KMO: variants seen among roughly 807,000 people sequenced by gnomAD.
KMO encodes kynurenine 3-hydroxylase.
KMO carries 24 observed loss-of-function variants against 57.8 expected under a neutral mutation model. The ratio of observed to expected loss-of-function variants is 0.42; its 90% CI spans 0.30 to 0.58. The LOEUF is 0.58. Among genes scored for constraint, KMO ranks in the 20% least tolerant of loss-of-function variants. KMO has a pLI of 0.22. For missense variants in KMO, 483 were observed against 588.2 expected (o/e 0.82, Z 1.85); for synonymous variants, 210 against 193.6 (o/e 1.08, Z -0.70).
At position 241,594,572 on chromosome 1, in the gene KMO, T is replaced by C. The variant is rs1663439459; in HGVS notation, c.*2419T>C. The C allele has an allele frequency of 3.7e-6, 6 of 1,614,034 alleles. No homozygotes were observed. The highest frequency in any genetic ancestry group is 1.7e-5 in the Admixed American group (1 of 60,002). Reference sequence around the variant, plus strand: ...CTTTTTTCTTTGGCCTGTCCCCATCTTTCTGTGACATCACAATGGGTCTGA... The same window carrying C: ...CTTTTTTCTTTGGCCTGTCCCCATCCTTCTGTGACATCACAATGGGTCTGA... On this transcript the variant is annotated 3_prime_UTR_variant, in exon 15 of 15. Transcript: ENST00000366559.
At chr1:241,533,495 GA>G (rs1474429891) in intron 1 of KMO, among the ~76,000 whole-genome samples, 1 of 152,098 alleles carries the variant, frequency 6.6e-6, no homozygotes, top group East Asian at 1.9e-4. Context: ...TAATATTTCT[GA>G]TTCTAAATTT....
intron 1 of KMO, among the ~76,000 whole-genome samples, chr1:241,546,721 C>T (rs911137355): frequency 3.3e-5 from 5 of 152,030 alleles, no homozygotes; most frequent in African/African-American, 4.8e-5. Flanking sequence ...AGATGGGAGG[C>T]GATGATCGCA....
intron 10 of KMO, among the ~76,000 whole-genome samples, chr1:241,568,895 A>T (rs1374881368): frequency 6.6e-6 from 1 of 152,096 alleles, no homozygotes; most frequent in Non-Finnish European, 1.5e-5. Flanking sequence ...TCACCAAGGG[A>T]TCAGCTCCAG....
intron 10 of KMO, among the ~76,000 whole-genome samples, chr1:241,570,082 G>A (rs777451355): frequency 1.3e-5 from 2 of 151,822 alleles, no homozygotes; most frequent in Non-Finnish European, 2.9e-5. Context: ...TGGATTATTC[G>A]TTATCTTCTG....
Position 241,561,558 on chromosome 1 carries a change from T to C in KMO, c.450-609T>C, listed in dbSNP as rs373567318. ...GCACATGTAATATAATGTGTTGCCATCACCTCATCCCTGTTTTCTGCTCCC... is the reference window on the plus strand; with the variant it reads ...GCACATGTAATATAATGTGTTGCCACCACCTCATCCCTGTTTTCTGCTCCC... On this transcript the variant is annotated intron_variant, in intron 6 of 14. Coordinates refer to ENST00000366559, the MANE Select transcript of KMO (RefSeq NM_003679.5). 4.6e-5 allele frequency among the ~76,000 whole-genome samples: 7 copies of C among 152,344 alleles called. No individual in the cohort carries two copies. In the East Asian group the frequency reaches 9.6e-4, roughly 21 times the overall value.
intron 2 of KMO, 32 bp downstream of exon 2, chr1:241,548,930 G>A (rs61825636): frequency 0.046 from 67,283 of 1,457,820 alleles, 1,861 homozygotes; most frequent in Non-Finnish European, 0.056. Flanking sequence ...CAGGATGAAC[G>A]CTGGGCACGG....
chr1:241,588,645 T>G (rs1663116419), intron 11 of KMO, 103 bp from the exon 12 acceptor site: 2 of 705,616 alleles, frequency 2.8e-6, no homozygotes, highest in Non-Finnish European at 4.9e-6. Flanking sequence ...TTTAAAAAAA[T>G]TAGCGAGAGC....
chr1:241,567,727 C>T (rs1662136135), intron 9 of KMO, among the ~76,000 whole-genome samples: 1 of 152,184 alleles, frequency 6.6e-6, no homozygotes, highest in South Asian at 2.1e-4. Context: ...CACTTCCTTC[C>T]CTGAAGACTA....
At chr1:241,581,283 T>C (rs1278458072) in intron 10 of KMO, among the ~76,000 whole-genome samples, 1 of 152,142 alleles carries the variant, frequency 6.6e-6, no homozygotes, top group East Asian at 1.9e-4. Context: ...TACATCCAAC[T>C]GCTCTATGTA....
intron 10 of KMO, among the ~76,000 whole-genome samples, chr1:241,575,774 T>C (rs1466481192): frequency 3.3e-5 from 5 of 152,082 alleles, no homozygotes; most frequent in Non-Finnish European, 7.4e-5. Context: ...TCTGTAAATA[T>C]CTGTTAGATC....
At chr1:241,570,788 A>T (rs960907006) in intron 10 of KMO, among the ~76,000 whole-genome samples, 1 of 152,124 alleles carries the variant, frequency 6.6e-6, no homozygotes. Context: ...TTTCATATAC[A>T]TTTTAGGATT....
intron 1 of KMO, 90 bp downstream of exon 1, chr1:241,532,588 T>C: frequency 3.0e-6 from 3 of 987,464 alleles, no homozygotes; most frequent in Non-Finnish European, 4.5e-6. Context: ...TTCTGCAAAT[T>C]GTTAATTTTC....
intron 10 of KMO, among the ~76,000 whole-genome samples, chr1:241,580,032 G>A (rs1474512539): frequency 2.0e-5 from 3 of 152,110 alleles, no homozygotes; most frequent in Non-Finnish European, 2.9e-5. Context: ...TAGGGTTAAC[G>A]CCTTCCCCCA....
In KMO at chr1:241,565,069, AT is replaced by A. The variant is rs1340493141; in HGVS notation, c.687+17del. 3 of 1,498,202 alleles carry A rather than the reference AT, an allele frequency of 2.0e-6. No individual in the cohort carries two copies. The highest frequency in any genetic ancestry group is 2.8e-6 in the Non-Finnish European group (3 of 1,077,642). 92.8% of individuals were successfully genotyped at this position (1,498,202 alleles called of 1,614,324 possible). A position where few individuals can be genotyped will look rare whatever the true frequency, so the allele number is the denominator to read the frequency against. On this transcript the variant is annotated intron_variant, in intron 8 of 14. Coordinates refer to ENST00000366559, the MANE Select transcript of KMO (RefSeq NM_003679.5). ...GCACTTCCTAACATGGTAGTATAGA[AT>A]TTTTTATCAACTGTAATTTTGCATT...
At chr1:241,563,588 A>G (rs905473637) in intron 7 of KMO, among the ~76,000 whole-genome samples, 4 of 152,326 alleles carry the variant, frequency 2.6e-5, no homozygotes, top group African/African-American at 9.6e-5. Flanking sequence ...CCAGAATCTG[A>G]TAACTCTGGA....
intron 5 of KMO, 48 bp from the exon 6 acceptor site, chr1:241,560,617 T>G (rs1186104268): frequency 7.8e-7 from 1 of 1,279,830 alleles, no homozygotes. Context: ...TTAAGTGAAG[T>G]AAGAATTGAG....
At chr1:241,580,874 T>C (rs1474613701) in intron 10 of KMO, among the ~76,000 whole-genome samples, 2 of 151,412 alleles carry the variant, frequency 1.3e-5, no homozygotes, top group African/African-American at 4.8e-5. Flanking sequence ...ATTTCTTACA[T>C]ACTTTTTCTT....
chr1:241,583,321 C>A (rs558757706), intron 10 of KMO, among the ~76,000 whole-genome samples: 379 of 152,204 alleles, frequency 2.5e-3, no homozygotes, highest in South Asian at 4.4e-3. Context: ...TATTCAAGGC[C>A]CAAGGGCTCT....
intron 4 of KMO, among the ~76,000 whole-genome samples, chr1:241,551,770 G>T (rs1661399793): frequency 6.6e-6 from 1 of 152,172 alleles, no homozygotes. Context: ...GCGTCTGAGT[G>T]AGAATTCATA....
Sources: allele counts gnomAD v4.1 joint callset (sites outside exome capture counted in the v4.1 genomes callset), GRCh38; gene constraint gnomAD v4.1.1; transcripts MANE v1.5; gene names NCBI Gene and HGNC (gene_info 2026-07-23, HGNC 2026-07-21).